DTWD2: variants seen among roughly 807,000 people sequenced by gnomAD.
The protein encoded by DTWD2 is DTW motif tRNA-uridine aminocarboxypropyltransferase 2.
Under a neutral mutation model 31.8 loss-of-function variants are expected in DTWD2, and 39 were observed. The ratio of observed to expected loss-of-function variants is 1.22; its 90% confidence interval spans 0.95 to 1.60. The LOEUF (loss-of-function observed/expected upper bound fraction) is 1.60. Ranked by LOEUF, DTWD2 falls within the 40% of genes most tolerant of loss-of-function variation. DTWD2 has a pLI of 0.00. For missense variants in DTWD2, 515 were observed against 381.5 expected (o/e 1.35, Z -2.92); for synonymous variants, 180 against 142.8 (o/e 1.26, Z -1.86).
intron 4 of DTWD2, among the ~76,000 whole-genome samples, chr5:118,919,576 T>C: frequency 6.6e-6 from 1 of 152,204 alleles, no homozygotes; most frequent in East Asian, 1.9e-4. Flanking sequence ...TGCAGAAACA[T>C]GAAAATATTC....
intron 4 of DTWD2, among the ~76,000 whole-genome samples, chr5:118,894,712 C>T (rs2149562088): frequency 6.6e-6 from 1 of 152,212 alleles, no homozygotes; most frequent in South Asian, 2.1e-4. Flanking sequence ...CAAGCATGTT[C>T]AACATATGCA....
At chr5:118,902,361 T>C (rs927415086) in intron 4 of DTWD2, among the ~76,000 whole-genome samples, 3 of 152,156 alleles carry the variant, frequency 2.0e-5, no homozygotes, top group African/African-American at 7.2e-5. Context: ...GCTAAAATTA[T>C]AGCGCACATG....
At chr5:118,872,489 A>T (rs946786163) in intron 4 of DTWD2, among the ~76,000 whole-genome samples, 1 of 152,322 alleles carries the variant, frequency 6.6e-6, no homozygotes, top group East Asian at 1.9e-4. Context: ...TAATTGGCCT[A>T]ATTTCAAAAT....
At chr5:118,860,781 A>G (rs567495484) in intron 4 of DTWD2, among the ~76,000 whole-genome samples, 10 of 152,252 alleles carry the variant, frequency 6.6e-5, no homozygotes, top group African/African-American at 2.2e-4. Flanking sequence ...TCCTTGCCAT[A>G]TATCTAAGGG....
chr5:118,933,481 T>C (rs147558241), intron 3 of DTWD2, among the ~76,000 whole-genome samples: 2 of 152,306 alleles, frequency 1.3e-5, no homozygotes, highest in African/African-American at 4.8e-5. Flanking sequence ...ATTACAGGGA[T>C]GGAAGGTTGG....
chr5:118,911,692 G>A (rs1170557000), intron 4 of DTWD2, among the ~76,000 whole-genome samples: 1 of 152,158 alleles, frequency 6.6e-6, no homozygotes, highest in Admixed American at 6.5e-5. Context: ...CACACACAAT[G>A]TAATATTATT....
chr5:118,959,503 A>G (rs1307995260), intron 1 of DTWD2, among the ~76,000 whole-genome samples: 1 of 152,242 alleles, frequency 6.6e-6, no homozygotes, highest in Non-Finnish European at 1.5e-5. Flanking sequence ...AAGAGTCAAC[A>G]TTGTTAAAAT....
intron 4 of DTWD2, among the ~76,000 whole-genome samples, chr5:118,912,186 G>T (rs1753473035): frequency 6.6e-6 from 1 of 152,066 alleles, no homozygotes; most frequent in South Asian, 2.1e-4. Context: ...GTTTTGATTT[G>T]GGACACAGAT....
Position 118,954,069 on chromosome 5 carries a change from G to A in DTWD2, c.219-9420C>T, listed in dbSNP as rs372912558. Among the ~76,000 whole-genome samples, 4 of 152,100 alleles carry A rather than the reference G, an allele frequency of 2.6e-5. No individual in the cohort carries two copies. The East Asian group carries it at 7.7e-4, about 29-fold the overall frequency. Reference sequence around the variant, plus strand: ...AAGGATCACTTGAGCACAGGAATTCGAGATCAGCCTAGGAAACATAGCAAG... The same window carrying A: ...AAGGATCACTTGAGCACAGGAATTCAAGATCAGCCTAGGAAACATAGCAAG... On this transcript the variant is annotated intron_variant, in intron 1 of 5. Coordinates refer to ENST00000510708, the MANE Select transcript of DTWD2 (RefSeq NM_173666.4).
chr5:118,892,187 C>G (rs964628523), intron 4 of DTWD2, among the ~76,000 whole-genome samples: 1 of 151,914 alleles, frequency 6.6e-6, no homozygotes, highest in African/African-American at 2.4e-5. Context: ...CAATTTTAAT[C>G]AAAAATATTT....
At chr5:118,888,289 G>T (rs987799734) in intron 4 of DTWD2, among the ~76,000 whole-genome samples, 2 of 151,988 alleles carry the variant, frequency 1.3e-5, no homozygotes, top group African/African-American at 4.8e-5. Flanking sequence ...GGCTAGCAAT[G>T]GATCTGCTTC....
In DTWD2 at chr5:118,962,546, A is replaced by C. The variant is rs184954691; in HGVS notation, c.219-17897T>G. On this transcript the variant is annotated intron_variant, in intron 1 of 5. Transcript: ENST00000510708. Reference sequence around the variant, plus strand: ...TGAATCCAAAAAAAAATCCTAAAAGAAGCTGGATATTAGCAAAACAGACTA... The same window carrying C: ...TGAATCCAAAAAAAAATCCTAAAAGCAGCTGGATATTAGCAAAACAGACTA... Among the ~76,000 whole-genome samples, 7 of 152,312 alleles carry C rather than the reference A, an allele frequency of 4.6e-5. No individual in the cohort carries two copies. In the East Asian group the frequency reaches 1.2e-3, roughly 25 times the overall value.
At chr5:118,875,540 T>C (rs80101838) in intron 4 of DTWD2, among the ~76,000 whole-genome samples, 3,742 of 74,546 alleles carry the variant, frequency 0.05, 76 homozygotes, top group Non-Finnish European at 0.069. Context: ...AGAAAAAAGG[T>C]AGGGGTTGCA....
chr5:118,906,159 A>G (rs4895184), intron 4 of DTWD2, among the ~76,000 whole-genome samples: 36,116 of 152,102 alleles, frequency 0.24, 4,381 homozygotes, highest in African/African-American at 0.28. Flanking sequence ...CTACTCAACT[A>G]TTAGAATAGC....
Position 118,856,916 on chromosome 5 carries a change from G to T in DTWD2, c.598-8698C>A, listed in dbSNP as rs192236372. 5.9e-4 allele frequency among the ~76,000 whole-genome samples: 89 copies of T among 151,600 alleles called. 1 individual carries two copies. The highest frequency in any genetic ancestry group is 5.3e-3 in the Admixed American group (81 of 15,220). ...GCCTCCCAAGTAGCTGAGATTACAG[G>T]TACCTGCCACCACGCCCAATTAATT... On this transcript the variant is annotated intron_variant, in intron 4 of 5. Coordinates refer to ENST00000510708, the MANE Select transcript of DTWD2 (RefSeq NM_173666.4).
chr5:118,906,943 G>T (rs1301133514), intron 4 of DTWD2, among the ~76,000 whole-genome samples: 1 of 152,122 alleles, frequency 6.6e-6, no homozygotes, highest in East Asian at 1.9e-4. Context: ...GAAAGAAAAG[G>T]TAATTAAACA....
chr5:118,859,836 G>A (rs1023498043), intron 4 of DTWD2, among the ~76,000 whole-genome samples: 1 of 152,142 alleles, frequency 6.6e-6, no homozygotes, highest in African/African-American at 2.4e-5. Context: ...TAAAAATATA[G>A]GCCAGACACC....
chr5:118,938,428 C>A (rs1286119079), intron 3 of DTWD2, among the ~76,000 whole-genome samples: 1 of 152,140 alleles, frequency 6.6e-6, no homozygotes, highest in East Asian at 1.9e-4. Context: ...ACACCAAAAG[C>A]AGTATGTCTC....
intron 1 of DTWD2, among the ~76,000 whole-genome samples, chr5:118,983,755 G>A (rs1284052507): frequency 6.6e-6 from 1 of 152,220 alleles, no homozygotes; most frequent in Non-Finnish European, 1.5e-5. Flanking sequence ...CAAGGAGCCT[G>A]GAGTGAGATC....
Sources: gnomAD v4.1 joint callset for allele counts (sites outside exome capture counted in the v4.1 genomes callset) on GRCh38, gnomAD v4.1.1 for gene constraint, MANE v1.5 for transcripts, NCBI Gene and HGNC (gene_info 2026-07-23, HGNC 2026-07-21) for gene names.